MYO1A: variants seen among roughly 807,000 people sequenced by gnomAD.
MYO1A encodes unconventional myosin-Ia.
A neutral mutation model predicts 138.5 loss-of-function variants in MYO1A; 127 were observed. The ratio of observed to expected loss-of-function variants is 0.92; its 90% CI spans 0.79 to 1.06. The LOEUF is 1.06. Among genes scored for constraint, MYO1A ranks in the 50% least tolerant of loss-of-function variants. The probability of loss-of-function intolerance (pLI) is 0.00; values close to 1 mark genes in which losing one functional copy is unlikely to be tolerated. For synonymous variants in MYO1A, 477 were observed against 497.5 expected, an observed-to-expected ratio of 0.96 and a Z score of 0.55; for missense variants, 1,211 against 1,288.8, an observed-to-expected ratio of 0.94 and a Z score of 0.92.
At chr12:57,032,408 C>G (rs1203885330) in intron 22 of MYO1A, among the ~76,000 whole-genome samples, 4 of 152,178 alleles carry the variant, frequency 2.6e-5, no homozygotes, top group Non-Finnish European at 4.4e-5. Context: ...ACCAACTACA[C>G]AAGCAAATAA....
At chr12:57,032,868 T>C (rs1410567335) in intron 22 of MYO1A, among the ~76,000 whole-genome samples, 2 of 152,152 alleles carry the variant, frequency 1.3e-5, no homozygotes, top group Admixed American at 1.3e-4. Flanking sequence ...AGCTTATTAT[T>C]TTGAAAGTTT....
intron 24 of MYO1A, 127 bp from the exon 25 acceptor site, chr12:57,029,999 A>ACTT: frequency 6.7e-7 from 1 of 1,496,082 alleles, no homozygotes; most frequent in Non-Finnish European, 9.2e-7. Flanking sequence ...GTGTCCACAG[A>ACTT]GCACAGTCCA....
chr12:57,043,890 A>T lies in MYO1A; in HGVS notation c.858T>A (p.Ser286Arg), dbSNP rs1229530883. ...NVLVADEFQA[S>R]GIPASGIRDG... ...CACGGATGCCACTTGCTGGTATCCC[A>T]CTGGCCTGGAACTCATCAGCCACCA... Residue 286 changes from serine to arginine, a missense_variant, in exon 10 of 28, where the codon AGT becomes AGA. Transcript: ENST00000300119. 4 of 1,614,132 alleles carry T rather than the reference A, an allele frequency of 2.5e-6. No homozygotes were observed. The highest frequency in any genetic ancestry group is 3.4e-6 in the Non-Finnish European group (4 of 1,180,002).
intron 19 of MYO1A, 123 bp downstream of exon 19, chr12:57,037,425 G>A: frequency 2.1e-6 from 2 of 937,390 alleles, no homozygotes; most frequent in African/African-American, 3.2e-5. Flanking sequence ...CAGACAGGAA[G>A]CTTCCCATCC....
chr12:57,050,814 T>C (rs1275941863), upstream of MYO1A: 1 of 152,162 alleles, frequency 6.6e-6, no homozygotes, highest in African/African-American at 2.4e-5. Flanking sequence ...GATACTCCAT[T>C]AAAATGGAAA....
rs557577924 is a variant in MYO1A at position 57,050,056 on chromosome 12, G to C, written c.-190C>G. On this transcript the variant is annotated 5_prime_UTR_variant, in exon 1 of 28. Transcript: ENST00000300119. ...GAAAAAGGCTGCCCTCCTCTTGCCA[G>C]TGTCCACTCTTCTGATTTTCCCTTT... is the stretch of plus-strand genomic sequence containing the variant. 1 of 152,688 alleles carries C rather than the reference G, an allele frequency of 6.5e-6. No individual in the cohort carries two copies. The highest frequency in any genetic ancestry group is 1.9e-4 in the East Asian group (1 of 5,204). 9.5% of individuals were successfully genotyped at this position (152,688 alleles called of 1,614,324 possible).
intron 3 of MYO1A, 77 bp downstream of exon 3, chr12:57,047,912 A>C (rs768595572): frequency 1.7e-4 from 264 of 1,573,160 alleles, no homozygotes; most frequent in Non-Finnish European, 2.2e-4. Flanking sequence ...CTTCAGGGGA[A>C]GGGACAAAGG....
rs768138458 is a variant in MYO1A at position 57,043,098 on chromosome 12, C to T, written c.1072G>A (p.Val358Met). 6 of 1,614,084 alleles carry T rather than the reference C, an allele frequency of 3.7e-6. No homozygotes were observed. The African/African-American group carries it at 6.7e-5, about 18-fold the overall frequency. Residue 358 changes from valine to methionine, a missense_variant, in exon 12 of 28, where the codon GTG becomes ATG. Coordinates refer to ENST00000300119, the MANE Select transcript of MYO1A (RefSeq NM_005379.4). ...NIYSRLFDWI[V>M]NRINESIKVG... ...TTGATGCTCTCATTGATTCGATTCA[C>T]TATCCAGTCAAAGAGGCGGCTGTAG...
At chr12:57,031,791 T>A (rs902291365) in intron 22 of MYO1A, among the ~76,000 whole-genome samples, 1 of 152,164 alleles carries the variant, frequency 6.6e-6, no homozygotes, top group African/African-American at 2.4e-5. Context: ...TGAGCAATAG[T>A]CAGGGTCCTA....
chr12:57,044,294 A>G, intron 8 of MYO1A, 85 bp from the exon 9 acceptor site: 1 of 1,045,560 alleles, frequency 9.6e-7, no homozygotes. Flanking sequence ...CCCTTGCCCT[A>G]ATGGATTCAT....
chr12:57,028,848 A>G lies in MYO1A; in HGVS notation c.3039T>C (p.Ala1013=), dbSNP rs567817417. 3.1e-6 allele frequency: 5 copies of G among 1,613,950 alleles called. No individual in the cohort carries two copies. Among genetic ancestry groups the G allele is most frequent in the African/African-American group, 2.7e-5 (2 of 74,972 alleles). ...CTGCAGGGCCCTGGACGACCTTGAC[A>G]GCCACACTGTTCTCCTTGAACCTCA... ...FSVRFKENSV[A]VKVVQGPAGG... is the part of the protein sequence containing the mutation. Residue 1013 remains alanine, a synonymous_variant, in exon 28 of 28, where the codon GCT becomes GCC. Coordinates refer to ENST00000300119, the MANE Select transcript of MYO1A (RefSeq NM_005379.4).
In MYO1A at chr12:57,028,808, T is replaced by C. The variant is rs753706670; in HGVS notation, c.3079A>G (p.Lys1027Glu). The C allele has an allele frequency of 6.8e-6, 11 of 1,614,040 alleles. No homozygotes were observed. In the South Asian group the frequency reaches 1.2e-4, roughly 18 times the overall value. Residue 1027 changes from lysine (K) to glutamate (E), a missense_variant, in exon 28 of 28, where the codon AAG (lysine) becomes GAG (glutamate). Transcript: ENST00000300119. ...VQGPAGGDNS[K>E]LRYKKKGSHC... The stretch of plus-strand genomic sequence containing the variant: ...CTCCCCTTTTTTTTGTAGCGTAGCT[T>C]GCTGTTGTCACCACCTGCAGGGCCC...
chr12:57,044,874 T>G (rs4759272), intron 8 of MYO1A, among the ~76,000 whole-genome samples: 27,458 of 152,060 alleles, frequency 0.18, 3,216 homozygotes, highest in Non-Finnish European at 0.25. Flanking sequence ...ACGGTGAAGG[T>G]AAGGGGAGAA....
At position 57,038,964 on chromosome 12, in the gene MYO1A, GCCGCAGGCA is replaced by G; in HGVS notation, c.1369_1377del (p.Cys457_Arg459del). On this transcript the variant is annotated inframe_deletion, in exon 16 of 28. Transcript: ENST00000300119. ...AAAGTGGAGTCACTGACCACCCCAG[GCCGCAGGCA>G]CTCCTCATCCAACATGGCCAGGATA... The G allele has an allele frequency of 6.2e-7, 1 of 1,614,186 alleles. No homozygotes were observed. The highest frequency in any genetic ancestry group is 8.5e-7 in the Non-Finnish European group (1 of 1,180,046).
chr12:57,030,378 G>A, intron 23 of MYO1A, 62 bp from the exon 24 acceptor site: 1 of 1,345,818 alleles, frequency 7.4e-7, no homozygotes, highest in Non-Finnish European at 1.1e-6. Context: ...TGGGGAGGGA[G>A]GTGAGAAATA....
chr12:57,034,036 C>A (rs575430646), intron 22 of MYO1A, among the ~76,000 whole-genome samples: 20 of 152,324 alleles, frequency 1.3e-4, no homozygotes, highest in Non-Finnish European at 2.9e-4. Context: ...TAATGTGGAG[C>A]CTCTGAAGGC....
rs1453413686 is a variant in MYO1A, at chr12:57,048,207, C to T, written c.114+3G>A. ...CAGCCAGAGGCACCCATATGACACT[C>T]ACATAAATCTCCTTGTTTTCATAGC... On this transcript the variant is annotated splice_donor_region_variant and intron_variant, in intron 2 of 27. Transcript: ENST00000300119. 6.2e-7 allele frequency: 1 copy of T among 1,613,024 alleles called. No homozygotes were observed.
intron 5 of MYO1A, 71 bp downstream of exon 5, chr12:57,047,232 A>G (rs1438188623): frequency 1.6e-5 from 26 of 1,577,640 alleles, no homozygotes; most frequent in Non-Finnish European, 2.0e-5. Flanking sequence ...AGCACTGGGG[A>G]AGAGGGTCTA....
chr12:57,029,020 C>T, intron 27 of MYO1A, 112 bp downstream of exon 27: 1 of 1,602,330 alleles, frequency 6.2e-7, no homozygotes. Context: ...GAAACACCTC[C>T]AAGCCCCGGC....
Sources: allele counts gnomAD v4.1 joint callset (sites outside exome capture counted in the v4.1 genomes callset), GRCh38; gene constraint gnomAD v4.1.1; transcripts MANE v1.5; gene names NCBI Gene and HGNC (gene_info 2026-07-23, HGNC 2026-07-21).